The following PIGB variants were observed in gnomAD, a reference collection of about 807,000 sequenced individuals.
PIGB encodes the protein phosphatidylinositol glycan anchor biosynthesis class B, also known as GPI alpha-1,2-mannosyltransferase 3.
A neutral mutation model predicts 68.4 loss-of-function variants in PIGB; 58 were observed. The observed-to-expected ratio is 0.85, with a 90% CI of 0.69 to 1.06. PIGB has a LOEUF of 1.06. Ranked by LOEUF, PIGB falls within the 50% of genes least tolerant of loss-of-function variation. The pLI, the probability that PIGB is intolerant of heterozygous loss-of-function variation, is 0.00. For missense variants in PIGB, 634 were observed against 655.8 expected, an observed-to-expected ratio of 0.97 and a Z score of 0.36; for synonymous variants, 219 against 220.5, an observed-to-expected ratio of 0.99 and a Z score of 0.06.
intron 9 of PIGB, chr15:55,343,662 G>A (rs1187610048): frequency 2.0e-5 from 3 of 152,148 alleles, no homozygotes; most frequent in Admixed American, 1.3e-4. Flanking sequence ...GAGATAAAAT[G>A]CTGATGAGGG....
At chr15:55,319,502 T>G (rs1184508744) in intron 1 of PIGB, 89 bp downstream of exon 1, 2 of 946,874 alleles carry the variant, frequency 2.1e-6, no homozygotes, top group Non-Finnish European at 3.1e-6. Flanking sequence ...CCCGTTGAGC[T>G]CTGTGTTGCC....
At chr15:55,327,722 A>G (rs2055325409) in intron 4 of PIGB, 87 bp downstream of exon 4, 2 of 761,660 alleles carry the variant, frequency 2.6e-6, no homozygotes, top group South Asian at 3.2e-5. Flanking sequence ...TCCCAAAACA[A>G]TTTTAGAAGA....
intron 9 of PIGB, chr15:55,346,695 T>C (rs1248865323): frequency 6.6e-6 from 1 of 152,232 alleles, no homozygotes; most frequent in African/African-American, 2.4e-5. Flanking sequence ...GATCACTTTC[T>C]GAAGCTAGGT....
At chr15:55,336,716 G>A (rs966954494) in intron 6 of PIGB, among the ~76,000 whole-genome samples, 7 of 152,192 alleles carry the variant, frequency 4.6e-5, no homozygotes, top group African/African-American at 9.6e-5. Context: ...GGTTGGGCAC[G>A]ATGGCTCACG....
chr15:55,322,507 T>C (rs1466724996), intron 3 of PIGB, among the ~76,000 whole-genome samples: 1 of 152,146 alleles, frequency 6.6e-6, no homozygotes, highest in Non-Finnish European at 1.5e-5. Flanking sequence ...TCTTTTAAGC[T>C]GTCATCAGAT....
chr15:55,338,801 C>T (rs1484625736), intron 6 of PIGB, among the ~76,000 whole-genome samples: 1 of 152,096 alleles, frequency 6.6e-6, no homozygotes, highest in African/African-American at 2.4e-5. Context: ...GAACTTAGCC[C>T]CACCAGCAAC....
intron 9 of PIGB, among the ~76,000 whole-genome samples, chr15:55,343,805 C>T (rs1181106625): frequency 6.6e-6 from 1 of 152,164 alleles, no homozygotes; most frequent in African/African-American, 2.4e-5. Flanking sequence ...TTCCTCCACA[C>T]CCTACCTAAG....
At chr15:55,334,321 A>G (rs919469485) in intron 6 of PIGB, among the ~76,000 whole-genome samples, 2 of 152,244 alleles carry the variant, frequency 1.3e-5, no homozygotes, top group Non-Finnish European at 2.9e-5. Context: ...TTTATAATTC[A>G]TAATGTGTTT....
intron 4 of PIGB, 85 bp downstream of exon 4, chr15:55,327,720 C>G: frequency 1.3e-6 from 1 of 777,254 alleles, no homozygotes; most frequent in Non-Finnish European, 2.2e-6. Flanking sequence ...ATTCCCAAAA[C>G]AATTTTAGAA....
chr15:55,319,466 C>T, intron 1 of PIGB, 53 bp downstream of exon 1: 1 of 1,377,916 alleles, frequency 7.3e-7, no homozygotes, highest in East Asian at 2.7e-5. Flanking sequence ...AAAAGGAACC[C>T]CCTCCATTTC....
chr15:55,338,698 G>C (rs1412138280), intron 6 of PIGB, among the ~76,000 whole-genome samples: 5 of 152,052 alleles, frequency 3.3e-5, no homozygotes, highest in African/African-American at 1.2e-4. Flanking sequence ...TCCATCTTGG[G>C]TGCCTGTCTC....
At chr15:55,325,887 G>T (rs2055271510) in intron 3 of PIGB, among the ~76,000 whole-genome samples, 1 of 151,732 alleles carries the variant, frequency 6.6e-6, no homozygotes, top group Non-Finnish European at 1.5e-5. Context: ...CTGCACTCCA[G>T]CTTGGGCGAC....
chr15:55,355,134 G>T, intron 11 of PIGB, 152 bp from the exon 12 acceptor site: 1 of 881,564 alleles, frequency 1.1e-6, no homozygotes. Flanking sequence ...CCCCAGTTCT[G>T]TAACTATCAA....
intron 4 of PIGB, among the ~76,000 whole-genome samples, chr15:55,329,222 T>TTTTCCTC (rs1190124931): frequency 2.0e-5 from 3 of 152,220 alleles, no homozygotes; most frequent in Non-Finnish European, 4.4e-5. Context: ...CCTGACTTTT[T>TTTTCCTC]TTTCCTCTTT....
In PIGB at chr15:55,334,026, C is replaced by T; in HGVS notation, c.794+19C>T. The T allele has an allele frequency of 6.6e-7, 1 of 1,524,500 alleles. No homozygotes were observed. Among genetic ancestry groups the T allele is most frequent in the East Asian group, 2.4e-5 (1 of 41,450 alleles). 94.4% of individuals were successfully genotyped at this position (1,524,500 alleles called of 1,614,324 possible). On this transcript the variant is annotated intron_variant, in intron 6 of 11. Coordinates refer to ENST00000164305, the MANE Select transcript of PIGB (RefSeq NM_004855.5). ...CTGTAGGGTAAGTGTGGCAATAATCCATCCATTTATTTTAGTAGCCTACAA... is the reference window on the plus strand; with the variant it reads ...CTGTAGGGTAAGTGTGGCAATAATCTATCCATTTATTTTAGTAGCCTACAA...
intron 8 of PIGB, among the ~76,000 whole-genome samples, chr15:55,341,170 G>A (rs1431901812): frequency 6.6e-6 from 1 of 151,960 alleles, no homozygotes; most frequent in East Asian, 1.9e-4. Flanking sequence ...TGACCAGCCT[G>A]AGCAACATAG....
chr15:55,341,871 A>C (rs2055679117), intron 9 of PIGB, 69 bp downstream of exon 9: 2 of 590,062 alleles, frequency 3.4e-6, no homozygotes, highest in Middle Eastern at 3.2e-4. Flanking sequence ...CATCCTCATT[A>C]AACTATGTCT....
intron 10 of PIGB, among the ~76,000 whole-genome samples, chr15:55,353,023 A>G (rs2055957561): frequency 6.6e-6 from 1 of 152,156 alleles, no homozygotes; most frequent in Non-Finnish European, 1.5e-5. Context: ...ATTCCCTACT[A>G]TATGTATATG....
At chr15:55,341,863 T>G in intron 9 of PIGB, 61 bp downstream of exon 9, 1 of 655,612 alleles carries the variant, frequency 1.5e-6, no homozygotes, top group Non-Finnish European at 2.4e-6. Flanking sequence ...AGACAACACA[T>G]CCTCATTAAA....
Sources: gnomAD v4.1 joint callset for allele counts (sites outside exome capture counted in the v4.1 genomes callset) on GRCh38, gnomAD v4.1.1 for gene constraint, MANE v1.5 for transcripts, NCBI Gene and HGNC (gene_info 2026-07-23, HGNC 2026-07-21) for gene names.